The following MAST4 variants were observed in gnomAD, a reference collection of about 807,000 sequenced individuals.
MAST4 encodes microtubule associated serine/threonine kinase family member 4, also known as microtubule-associated serine/threonine-protein kinase 4.
In MAST4, 89 loss-of-function variants were observed where a neutral mutation model predicts 162.7. The observed-to-expected ratio is 0.55, with a 90% CI of 0.46 to 0.65. The LOEUF (loss-of-function observed/expected upper bound fraction) is 0.65. MAST4 is among the 30% of genes least tolerant of loss of function. The probability of loss-of-function intolerance (pLI) is 0.00; values close to 1 mark genes in which losing one functional copy is unlikely to be tolerated. For synonymous variants in MAST4, 1,479 were observed against 1,361.1 expected (o/e 1.09, Z -1.91); for missense variants, 3,153 against 3,374.0 (o/e 0.93, Z 1.62).
intron 4 of MAST4, among the ~76,000 whole-genome samples, chr5:66,998,786 A>T (rs948818584): frequency 6.6e-6 from 1 of 152,082 alleles, no homozygotes; most frequent in Non-Finnish European, 1.5e-5. Flanking sequence ...AGGAGCTCTT[A>T]CTCTAATAGG....
intron 1 of MAST4, among the ~76,000 whole-genome samples, chr5:66,628,282 C>A (rs1425858809): frequency 6.6e-6 from 1 of 151,414 alleles, no homozygotes; most frequent in African/African-American, 2.4e-5. Flanking sequence ...ATTCCTCCCG[C>A]CTTGACCTTC....
chr5:67,081,587 A>T (rs767733701), intron 5 of MAST4, among the ~76,000 whole-genome samples: 2 of 152,200 alleles, frequency 1.3e-5, no homozygotes, highest in Non-Finnish European at 2.9e-5. Flanking sequence ...TTCTAAGGCT[A>T]TGGTTCTCAA....
intron 7 of MAST4, among the ~76,000 whole-genome samples, chr5:67,099,339 A>AAATT (rs1764776655): frequency 6.6e-6 from 1 of 151,972 alleles, no homozygotes; most frequent in East Asian, 1.9e-4. Flanking sequence ...AAATAATCTC[A>AAATT]TTACATTATA....
chr5:67,059,370 C>T (rs1267712050), intron 5 of MAST4, among the ~76,000 whole-genome samples: 2 of 152,192 alleles, frequency 1.3e-5, no homozygotes, highest in South Asian at 2.1e-4. Flanking sequence ...GGGACAATTA[C>T]AGCTAAAAAA....
chr5:67,085,253 C>T (rs549674657), intron 5 of MAST4, among the ~76,000 whole-genome samples: 5 of 152,082 alleles, frequency 3.3e-5, no homozygotes, highest in African/African-American at 1.2e-4. Flanking sequence ...CAGCAAATCC[C>T]GTTGGCTCCG....
At chr5:66,852,228 G>T (rs976439094) in intron 3 of MAST4, among the ~76,000 whole-genome samples, 7 of 152,224 alleles carry the variant, frequency 4.6e-5, no homozygotes, top group Non-Finnish European at 8.8e-5. Flanking sequence ...ACTTACTGCA[G>T]CCTCAACCTC....
chr5:67,051,286 A>G (rs1023639508), intron 4 of MAST4, among the ~76,000 whole-genome samples: 3 of 151,984 alleles, frequency 2.0e-5, no homozygotes, highest in Non-Finnish European at 2.9e-5. Flanking sequence ...TTATCATTTA[A>G]TGGGTTAAAT....
intron 1 of MAST4, among the ~76,000 whole-genome samples, chr5:66,624,574 C>T (rs543627676): frequency 6.6e-6 from 1 of 152,150 alleles, no homozygotes; most frequent in African/African-American, 2.4e-5. Context: ...CACAAAAGAC[C>T]CTGAATAGCC....
chr5:66,635,950 T>G (rs1745085259), intron 1 of MAST4, among the ~76,000 whole-genome samples: 1 of 70,658 alleles, frequency 1.4e-5, no homozygotes, highest in Non-Finnish European at 2.5e-5. Context: ...GAGACTGTTT[T>G]TTTTTTTTTT....
intron 5 of MAST4, among the ~76,000 whole-genome samples, chr5:67,074,690 C>T (rs1264054107): frequency 6.6e-6 from 1 of 152,052 alleles, no homozygotes; most frequent in Non-Finnish European, 1.5e-5. Context: ...GAGCAGGACA[C>T]AAAACAGTAT....
intron 4 of MAST4, among the ~76,000 whole-genome samples, chr5:66,929,447 C>A (rs1183879543): frequency 6.6e-6 from 1 of 152,180 alleles, no homozygotes; most frequent in Non-Finnish European, 1.5e-5. Flanking sequence ...CTCCTCTGGA[C>A]ACACCCTCAA....
chr5:67,119,549 T>A (rs1448411162), intron 13 of MAST4, among the ~76,000 whole-genome samples: 1 of 152,212 alleles, frequency 6.6e-6, no homozygotes, highest in Non-Finnish European at 1.5e-5. Flanking sequence ...GAAATTTCTC[T>A]GTGCCTCGGT....
At chr5:66,874,657 A>G (rs756028895) in intron 3 of MAST4, among the ~76,000 whole-genome samples, 2 of 152,202 alleles carry the variant, frequency 1.3e-5, no homozygotes, top group Admixed American at 6.5e-5. Flanking sequence ...ATAAACCTGC[A>G]TATAATTCTA....
At chr5:66,637,417 A>G (rs1745194668) in intron 1 of MAST4, among the ~76,000 whole-genome samples, 1 of 152,144 alleles carries the variant, frequency 6.6e-6, no homozygotes, top group South Asian at 2.1e-4. Flanking sequence ...TTAAAAAAGT[A>G]ATATAATGTA....
chr5:67,076,140 C>G (rs1349600860), intron 5 of MAST4, among the ~76,000 whole-genome samples: 2 of 152,168 alleles, frequency 1.3e-5, no homozygotes, highest in African/African-American at 4.8e-5. Context: ...GGATTTGATA[C>G]CAGGAACCAT....
At chr5:66,967,010 G>C (rs1226052625) in intron 4 of MAST4, among the ~76,000 whole-genome samples, 1 of 152,184 alleles carries the variant, frequency 6.6e-6, no homozygotes, top group Non-Finnish European at 1.5e-5. Context: ...GCCCCAAAAT[G>C]ATGGTCTAAT....
chr5:66,972,355 T>C (rs1261537786), intron 4 of MAST4, among the ~76,000 whole-genome samples: 1 of 152,252 alleles, frequency 6.6e-6, no homozygotes, highest in Admixed American at 6.5e-5. Flanking sequence ...GAATCATTAC[T>C]GGCTCCAGTT....
At chr5:67,008,132 C>T (rs1035114727) in intron 4 of MAST4, among the ~76,000 whole-genome samples, 3 of 152,200 alleles carry the variant, frequency 2.0e-5, no homozygotes, top group Non-Finnish European at 4.4e-5. Flanking sequence ...CCTCTCCCTT[C>T]CCCTCATTTC....
intron 4 of MAST4, among the ~76,000 whole-genome samples, chr5:66,909,204 A>C (rs1473212236): frequency 6.6e-6 from 1 of 152,108 alleles, no homozygotes; most frequent in African/African-American, 2.4e-5. Flanking sequence ...CCTTGGATAG[A>C]TCTTTCACTT....
Sources: allele counts gnomAD v4.1 joint callset (sites outside exome capture counted in the v4.1 genomes callset), GRCh38; gene constraint gnomAD v4.1.1; transcripts MANE v1.5; gene names NCBI Gene and HGNC (gene_info 2026-07-23, HGNC 2026-07-21).